SLC22A12: variants seen among roughly 807,000 people sequenced by gnomAD.
SLC22A12 encodes the protein solute carrier family 22 member 12, also known as organic anion transporter 4-like protein.
SLC22A12 carries 56 observed loss-of-function variants against 52.7 expected under a neutral mutation model. The ratio of observed to expected loss-of-function variants is 1.06; its 90% CI spans 0.86 to 1.33. The LOEUF is 1.33. Ranked by LOEUF, SLC22A12 falls within the 40% of genes most tolerant of loss-of-function variation. The pLI, the probability that SLC22A12 is intolerant of heterozygous loss-of-function variation, is 0.00. For synonymous variants in SLC22A12, 337 were observed against 324.6 expected (o/e 1.04, Z -0.41); for missense variants, 683 against 741.5 (o/e 0.92, Z 0.92).
chr11:64,597,244 T>C lies in SLC22A12; in HGVS notation c.831-1272T>C, dbSNP rs144705165. Among the ~76,000 whole-genome samples the C allele has an allele frequency of 4.4e-3, 674 of 152,204 alleles. 1 individual carries two copies. The highest frequency in any genetic ancestry group is 6.7e-3 in the Non-Finnish European group (455 of 67,990). ...CCACCATCACTTGTGGTACCTGCTA[T>C]GTGGCGGGCACAGTCCACACTCTCT... On this transcript the variant is annotated intron_variant, in intron 4 of 9. Coordinates refer to ENST00000377574, the MANE Select transcript of SLC22A12 (RefSeq NM_144585.4).
chr11:64,600,978 C>T, intron 9 of SLC22A12, 40 bp downstream of exon 9: 1 of 1,600,284 alleles, frequency 6.2e-7, no homozygotes, highest in African/African-American at 1.3e-5. Context: ...TCCCTCCCAC[C>T]AGAGAACCCT....
At chr11:64,601,060 T>C (rs1429579724) in intron 9 of SLC22A12, 122 bp downstream of exon 9, 4 of 1,309,334 alleles carry the variant, frequency 3.1e-6, no homozygotes, top group African/African-American at 2.9e-5. Context: ...ACAGATAGGA[T>C]TGGCCCAGAG....
intron 4 of SLC22A12, among the ~76,000 whole-genome samples, chr11:64,596,769 C>T (rs1156332067): frequency 6.6e-6 from 1 of 152,120 alleles, no homozygotes; most frequent in Non-Finnish European, 1.5e-5. Context: ...AGCTTGACTC[C>T]CAACACCAAG....
At position 64,598,641 on chromosome 11, in the gene SLC22A12, T is replaced by C; in HGVS notation, c.954+2T>C. ...GTGCAGGACACCCTGACCCCTGAGG[T>C]AAGGCTGGGTCCTCCTCAAACCCGG... On this transcript the variant is annotated splice_donor_variant, in intron 5 of 9. Transcript: ENST00000377574. LOFTEE classifies it high-confidence loss of function. 6.2e-7 allele frequency: 1 copy of C among 1,609,906 alleles called. No homozygotes were observed. Among genetic ancestry groups the C allele is most frequent in the Non-Finnish European group, 8.5e-7 (1 of 1,178,662 alleles).
chr11:64,601,195 C>A (rs2039443445), intron 9 of SLC22A12, among the ~76,000 whole-genome samples: 3 of 152,190 alleles, frequency 2.0e-5, no homozygotes, highest in South Asian at 4.1e-4. Flanking sequence ...ACAAGCTCCC[C>A]CAGGTCCACC....
intron 8 of SLC22A12, 68 bp from the exon 9 acceptor site, chr11:64,600,667 G>A (rs2039425259): frequency 6.3e-7 from 1 of 1,596,138 alleles, no homozygotes; most frequent in East Asian, 2.2e-5. Flanking sequence ...AGCGGGCCTG[G>A]CCCGGCGTGC....
chr11:64,598,524 CAG>C lies in SLC22A12; in HGVS notation c.842_843del (p.Glu281ValfsTer37). On this transcript the variant is annotated frameshift_variant, in exon 5 of 10. Transcript: ENST00000377574. LOFTEE classifies it high-confidence loss of function. Reference sequence around the variant, plus strand: ...CGCCCCCTCCACTTAAGGTGGCTGGCAGAGTCGGCACGATGGCTCCTCACCAC... The same window carrying C: ...CGCCCCCTCCACTTAAGGTGGCTGGCAGTCGGCACGATGGCTCCTCACCAC... 1.9e-6 allele frequency: 3 copies of C among 1,581,790 alleles called. No individual in the cohort carries two copies. Among genetic ancestry groups the C allele is most frequent in the Non-Finnish European group, 2.6e-6 (3 of 1,165,124 alleles).
rs140671173 is a variant in SLC22A12, at chr11:64,600,849, G to C, written c.1509G>C (p.Thr503=). The change falls in exon 9 of 10, where the codon ACG becomes ACC. Residue 503 remains threonine, a synonymous_variant. Transcript: ENST00000377574. ...GGCTGCCCTTGCTGGTGTATGGGAC[G>C]GTGCCAGTGCTGAGTGGCCTGGCCG... ...GPWLPLLVYG[T]VPVLSGLAAL... is the part of the protein sequence containing the mutation. The C allele has an allele frequency of 1.2e-6, 2 of 1,608,396 alleles. No individual in the cohort carries two copies. Among genetic ancestry groups the C allele is most frequent in the East Asian group, 2.2e-5 (1 of 44,880 alleles).
chr11:64,593,325 T>A, intron 2 of SLC22A12, 80 bp from the exon 3 acceptor site: 1 of 1,600,640 alleles, frequency 6.2e-7, no homozygotes, highest in South Asian at 1.1e-5. Flanking sequence ...AAGCATAGGG[T>A]GGGCTCTAGG....
At chr11:64,598,964 TGGAATCGG>T in intron 6 of SLC22A12, 41 bp downstream of exon 6, 1 of 1,606,290 alleles carries the variant, frequency 6.2e-7, no homozygotes, top group Non-Finnish European at 8.5e-7. Context: ...CAGGGGAACC[TGGAATCGG>T]GGCTCTCGCT....
chr11:64,598,438 G>A, intron 4 of SLC22A12, 78 bp from the exon 5 acceptor site: 2 of 1,541,964 alleles, frequency 1.3e-6, no homozygotes, highest in Non-Finnish European at 1.8e-6. Context: ...GTGGGTACAG[G>A]GTAGCAGTCT....
chr11:64,591,636 C>A lies in SLC22A12; in HGVS notation c.80C>A (p.Ser27Tyr). The A allele has an allele frequency of 6.2e-7, 1 of 1,613,284 alleles. No individual in the cohort carries two copies. Among genetic ancestry groups the A allele is most frequent in the Non-Finnish European group, 8.5e-7 (1 of 1,180,022 alleles). Residue 27 changes from serine to tyrosine, a missense_variant, in exon 1 of 10, where the codon TCC becomes TAC. Transcript: ENST00000377574. ...CTCCAGACGATGGCTCTGATGGTCT[C>A]CATCATGTGGCTGTGTACCCAGAGC... is the stretch of plus-strand genomic sequence containing the variant. ...QVLQTMALMVSIMWLCTQSML... is the reference protein window; with the variant it reads ...QVLQTMALMVYIMWLCTQSML...
intron 4 of SLC22A12, among the ~76,000 whole-genome samples, chr11:64,598,192 G>A (rs1344342691): frequency 6.6e-6 from 1 of 152,074 alleles, no homozygotes; most frequent in Admixed American, 6.5e-5. Flanking sequence ...GGTTCCTAGC[G>A]AGGCAGGGGA....
In SLC22A12 at chr11:64,591,552, G is replaced by T. The variant is rs1175286509; in HGVS notation, c.-5G>T. 6.2e-7 allele frequency: 1 copy of T among 1,611,264 alleles called. No homozygotes were observed. Among genetic ancestry groups the T allele is most frequent in the Non-Finnish European group, 8.5e-7 (1 of 1,180,024 alleles). On this transcript the variant is annotated 5_prime_UTR_variant, in exon 1 of 10. Transcript: ENST00000377574. The stretch of plus-strand genomic sequence containing the variant: ...CCCCTCTTCTGGGCCCCTTGAGTAG[G>T]TTCCATGGCATTTTCTGAACTCCTG...
At chr11:64,597,067 T>C (rs2039269689) in intron 4 of SLC22A12, among the ~76,000 whole-genome samples, 1 of 152,116 alleles carries the variant, frequency 6.6e-6, no homozygotes, top group Non-Finnish European at 1.5e-5. Flanking sequence ...CCTCACAAAC[T>C]GTGCTTAGGG....
chr11:64,593,093 C>G (rs1474897064), intron 2 of SLC22A12, among the ~76,000 whole-genome samples: 3 of 152,264 alleles, frequency 2.0e-5, no homozygotes, highest in East Asian at 1.9e-4. Context: ...CAACTTTACT[C>G]TGGGGGTTGT....
intron 3 of SLC22A12, 37 bp downstream of exon 3, chr11:64,593,596 A>C (rs774797376): frequency 6.2e-7 from 1 of 1,614,120 alleles, no homozygotes; most frequent in Non-Finnish European, 8.5e-7. Flanking sequence ...GGGGGGCTCC[A>C]TGCAGGCTCC....
intron 6 of SLC22A12, 45 bp from the exon 7 acceptor site, chr11:64,599,631 C>A: frequency 4.7e-6 from 1 of 210,600 alleles, no homozygotes; most frequent in South Asian, 4.3e-5. Context: ...CACCACCCCC[C>A]CCCACCCCCC....
intron 1 of SLC22A12, 87 bp downstream of exon 1, chr11:64,592,045 T>C: frequency 6.5e-7 from 1 of 1,544,346 alleles, no homozygotes. Flanking sequence ...GGTCCAGTCC[T>C]GGGAGGGACC....
Sources: gnomAD v4.1 joint callset for allele counts (sites outside exome capture counted in the v4.1 genomes callset) on GRCh38, gnomAD v4.1.1 for gene constraint, MANE v1.5 for transcripts, NCBI Gene and HGNC (gene_info 2026-07-23, HGNC 2026-07-21) for gene names.